The following ADAM17 variants were observed in gnomAD, a reference collection of about 807,000 sequenced individuals.
The protein encoded by ADAM17 is disintegrin and metalloproteinase domain-containing protein 17.
A neutral mutation model predicts 96.7 loss-of-function variants in ADAM17; 39 were observed. The ratio of observed to expected loss-of-function variants is 0.40; its 90% confidence interval spans 0.31 to 0.53. The LOEUF (loss-of-function observed/expected upper bound fraction) is 0.53. Ranked by LOEUF, ADAM17 falls within the 20% of genes least tolerant of loss-of-function variation. The pLI is 0.44. For missense variants in ADAM17, 777 were observed against 1,013.2 expected, an observed-to-expected ratio of 0.77 and a Z score of 3.17; for synonymous variants, 344 against 359.2, an observed-to-expected ratio of 0.96 and a Z score of 0.48.
rs1553366532 is a variant in ADAM17 at position 9,538,016 on chromosome 2, A to AGGGGAGGG, written c.231-1189_231-1188insCCCTCCCC. Among the ~76,000 whole-genome samples the AGGGGAGGG allele has an allele frequency of 9.4e-5, 3 of 31,850 alleles. 1 individual carries two copies. Among genetic ancestry groups the AGGGGAGGG allele is most frequent in the Non-Finnish European group, 1.1e-4 (2 of 17,484 alleles). 20.9% of individuals were successfully genotyped at this position (31,850 alleles called of 152,430 possible). ...GGAGGGGAGGGGAAGGGAGGGGAGG[A>AGGGGAGGG]GAGGGGAGGGGGTATACACTTCAGT... is the stretch of plus-strand genomic sequence containing the variant. On this transcript the variant is annotated intron_variant, in intron 2 of 18. Coordinates refer to ENST00000310823, the MANE Select transcript of ADAM17 (RefSeq NM_003183.6).
In ADAM17 at chr2:9,521,324, TA is replaced by T; in HGVS notation, c.844-9del. 1 of 1,558,052 alleles carries T rather than the reference TA, an allele frequency of 6.4e-7. No individual in the cohort carries two copies. Among genetic ancestry groups the T allele is most frequent in the Non-Finnish European group, 8.9e-7 (1 of 1,129,650 alleles). ...AGACTTGAGAATGCGAATCTATACTTAAAGAGATCATATACTTAGAACACTT... is the reference window on the plus strand; with the variant it reads ...AGACTTGAGAATGCGAATCTATACTTAAGAGATCATATACTTAGAACACTT... On this transcript the variant is annotated splice_polypyrimidine_tract_variant and intron_variant, in intron 7 of 18. Transcript: ENST00000310823.
chr2:9,494,874 T>C, intron 14 of ADAM17, 107 bp from the exon 15 acceptor site: 1 of 1,368,748 alleles, frequency 7.3e-7, no homozygotes, highest in South Asian at 1.4e-5. Context: ...AGAAATCACA[T>C]TTATTTTTTA....
intron 2 of ADAM17, among the ~76,000 whole-genome samples, chr2:9,539,511 A>G (rs181303594): frequency 1.3e-5 from 2 of 152,298 alleles, no homozygotes; most frequent in Admixed American, 1.3e-4. Flanking sequence ...CTCTTCATAC[A>G]ACCTCTCAGT....
intron 4 of ADAM17, among the ~76,000 whole-genome samples, chr2:9,534,326 G>A (rs983402603): frequency 1.3e-5 from 2 of 152,088 alleles, no homozygotes; most frequent in Admixed American, 6.6e-5. Context: ...CCGAGACCAC[G>A]CCAGTGCACT....
At chr2:9,523,180 T>C (rs1253390429) in intron 7 of ADAM17, 69 bp downstream of exon 7, 15 of 1,236,496 alleles carry the variant, frequency 1.2e-5, no homozygotes, top group East Asian at 4.8e-5. Flanking sequence ...TTTTTAGGTT[T>C]TGAATACAAG....
At chr2:9,545,129 C>G (rs1012890579) in intron 1 of ADAM17, among the ~76,000 whole-genome samples, 1 of 152,188 alleles carries the variant, frequency 6.6e-6, no homozygotes, top group Non-Finnish European at 1.5e-5. Flanking sequence ...CCCAAACCAG[C>G]AGCATCATCA....
chr2:9,525,165 G>A (rs1267497957), intron 6 of ADAM17, among the ~76,000 whole-genome samples: 2 of 151,844 alleles, frequency 1.3e-5, no homozygotes, highest in Non-Finnish European at 2.9e-5. Flanking sequence ...CGAGTGCTGT[G>A]GTTCACGCCT....
chr2:9,495,066 C>T (rs1429943878), intron 14 of ADAM17, among the ~76,000 whole-genome samples: 4 of 152,220 alleles, frequency 2.6e-5, no homozygotes, highest in Non-Finnish European at 5.9e-5. Context: ...TCACAATGCT[C>T]TTCTAAATGC....
chr2:9,555,458 T>A, intron 1 of ADAM17, 51 bp downstream of exon 1: 1 of 1,479,158 alleles, frequency 6.8e-7, no homozygotes, highest in Non-Finnish European at 9.1e-7. Flanking sequence ...TGCTCTTCCC[T>A]CAAACGAGCG....
intron 12 of ADAM17, among the ~76,000 whole-genome samples, chr2:9,502,736 G>A (rs1486978055): frequency 6.6e-6 from 1 of 151,362 alleles, no homozygotes; most frequent in Non-Finnish European, 1.5e-5. Context: ...AAAATTAGCT[G>A]GGCGTGGTGG....
At chr2:9,497,276 A>T in intron 13 of ADAM17, 28 bp from the exon 14 acceptor site, 1 of 1,613,028 alleles carries the variant, frequency 6.2e-7, no homozygotes, top group Non-Finnish European at 8.5e-7. Context: ...TCATAACAAA[A>T]AGAATGAGTC....
intron 13 of ADAM17, among the ~76,000 whole-genome samples, chr2:9,501,345 G>C (rs966454485): frequency 6.6e-6 from 1 of 152,174 alleles, no homozygotes; most frequent in Admixed American, 6.5e-5. Flanking sequence ...GTCAGGATAA[G>C]GAGTCCTCAG....
intron 10 of ADAM17, among the ~76,000 whole-genome samples, chr2:9,514,678 C>T (rs1035046767): frequency 6.6e-6 from 1 of 150,574 alleles, no homozygotes; most frequent in Non-Finnish European, 1.5e-5. Context: ...TTGAGACCAT[C>T]CTGGCTAACA....
At chr2:9,504,659 G>C (rs1663264978) in intron 12 of ADAM17, among the ~76,000 whole-genome samples, 1 of 150,642 alleles carries the variant, frequency 6.6e-6, no homozygotes, top group Admixed American at 6.6e-5. Context: ...CTACTCAGGA[G>C]GCTAAGGCAG....
rs908872102 is a variant in ADAM17 at position 9,505,481 on chromosome 2, C to T, written c.1345-116G>A. On this transcript the variant is annotated intron_variant, in intron 11 of 18. Transcript: ENST00000310823. ...TAATGTAAAACCACCATCAGAGCCA[C>T]CCTGGAGTTATGGCAAGGCCACCAC... is the stretch of plus-strand genomic sequence containing the variant. The T allele has an allele frequency of 1.6e-5, 17 of 1,088,728 alleles. No individual in the cohort carries two copies. In the Admixed American group the frequency reaches 3.6e-4, roughly 23 times the overall value. The allele number at this position is 1,088,728 out of a possible 1,614,324, so 67.4% of individuals were successfully genotyped here. A position where few individuals can be genotyped will look rare whatever the true frequency, so the allele number is the denominator to read the frequency against.
intron 2 of ADAM17, among the ~76,000 whole-genome samples, chr2:9,537,979 AGGGAGGGGAAGGGAG>A (rs1332350008): frequency 1.2e-3 from 7 of 6,060 alleles, no homozygotes; most frequent in Admixed American, 0.01. Flanking sequence ...GGGAAGGGGA[AGGGAGGGGAAGGGAG>A]GGGAGGGGAA....
rs565302872 is a variant in ADAM17, at chr2:9,549,575, C to T, written c.97+5934G>A. ...ACAGGGTCTCGCTCTGTTGCTCAGG[C>T]TAGAGTGCAGGGCACAATCACCACT... On this transcript the variant is annotated intron_variant, in intron 1 of 18. Coordinates refer to ENST00000310823, the MANE Select transcript of ADAM17 (RefSeq NM_003183.6). Among the ~76,000 whole-genome samples, 12 of 152,238 alleles carry T rather than the reference C, an allele frequency of 7.9e-5. No homozygotes were observed. The East Asian group carries it at 2.1e-3, about 27-fold the overall frequency.
In ADAM17 at chr2:9,512,745, T is replaced by G. The variant is rs1389493458; in HGVS notation, c.1192-2614A>C. ...TCGGTTAGTATGAGAACATACCCAT[T>G]TTGTCCAATCACATTTCTACACAGT... is the stretch of plus-strand genomic sequence containing the variant. On this transcript the variant is annotated intron_variant, in intron 10 of 18. Transcript: ENST00000310823. Among the ~76,000 whole-genome samples, 5 of 152,234 alleles carry G rather than the reference T, an allele frequency of 3.3e-5. No individual in the cohort carries two copies. The East Asian group carries it at 5.8e-4, about 18-fold the overall frequency.
rs761391373 is a variant in ADAM17, at chr2:9,490,236, C to T, written c.2416G>A (p.Ala806Thr). 2.5e-6 allele frequency: 4 copies of T among 1,609,870 alleles called. No individual in the cohort carries two copies. The highest frequency in any genetic ancestry group is 2.6e-6 in the Non-Finnish European group (3 of 1,176,284). Residue 806 changes from alanine (A) to threonine (T), a missense_variant, in exon 19 of 19, where the codon GCT (alanine) becomes ACT (threonine). Coordinates refer to ENST00000310823, the MANE Select transcript of ADAM17 (RefSeq NM_003183.6). ...TGACGCTGCAGTTTAAAGGAGGCAG[C>T]CTTTTCACTTCTGGTGACCGGATGG... ...TDHPVTRSEK[A>T]ASFKLQRQNR...
Sources: gnomAD v4.1 joint callset for allele counts (sites outside exome capture counted in the v4.1 genomes callset) on GRCh38, gnomAD v4.1.1 for gene constraint, MANE v1.5 for transcripts, NCBI Gene and HGNC (gene_info 2026-07-23, HGNC 2026-07-21) for gene names.